Variants in NXPE4 observed in about 807,000 individuals in gnomAD.
NXPE4 encodes the protein neurexophilin and PC-esterase domain family member 4, also known as NXPE family member 4.
A neutral mutation model predicts 33.3 loss-of-function variants in NXPE4; 42 were observed. That is an observed-to-expected ratio of 1.26 (90% confidence interval 0.98 to 1.63). The LOEUF (loss-of-function observed/expected upper bound fraction) is 1.63. Among genes scored for constraint, NXPE4 ranks in the 40% most tolerant of loss-of-function variants. The pLI is 0.00. For synonymous variants in NXPE4, 253 were observed against 234.9 expected, an observed-to-expected ratio of 1.08 and a Z score of -0.71; for missense variants, 709 against 647.6, an observed-to-expected ratio of 1.09 and a Z score of -1.03.
At chr11:114,657,948 A>G in the NXPE4 span, among the ~76,000 whole-genome samples, 1 of 152,328 alleles carries the variant, frequency 6.6e-6, no homozygotes, top group African/African-American at 2.4e-5. Context: ...TAGACTATTA[A>G]TGCCAAATCA....
chr11:114,601,734 T>C, the NXPE4 span, among the ~76,000 whole-genome samples: 1 of 72,662 alleles, frequency 1.4e-5, no homozygotes, highest in Non-Finnish European at 2.3e-5. Flanking sequence ...TTATATATTA[T>C]ATATAATTAT....
intron 5 of NXPE4, among the ~76,000 whole-genome samples, chr11:114,576,743 T>G (rs1018110222): frequency 6.6e-6 from 1 of 152,000 alleles, no homozygotes; most frequent in Non-Finnish European, 1.5e-5. Flanking sequence ...TTGGTGGGAA[T>G]GTAAACTAGT....
At chr11:114,654,606 G>A in the NXPE4 span, among the ~76,000 whole-genome samples, 1 of 152,108 alleles carries the variant, frequency 6.6e-6, no homozygotes. Context: ...GTTTGCTGAG[G>A]ATGATGGCTT....
the NXPE4 span, among the ~76,000 whole-genome samples, chr11:114,635,782 T>A: frequency 1.3e-5 from 2 of 152,118 alleles, no homozygotes; most frequent in Admixed American, 1.3e-4. Context: ...GATTTGCATA[T>A]ATTGAACCAG....
At chr11:114,620,445 TG>T in the NXPE4 span, among the ~76,000 whole-genome samples, 4 of 152,084 alleles carry the variant, frequency 2.6e-5, no homozygotes, top group African/African-American at 9.7e-5. Flanking sequence ...TGTTACCCAG[TG>T]GGTATTAATT....
At chr11:114,611,593 G>A in the NXPE4 span, among the ~76,000 whole-genome samples, 56 of 150,478 alleles carry the variant, frequency 3.7e-4, no homozygotes, top group African/African-American at 1.3e-3. Flanking sequence ...GTGTTGTGTC[G>A]TGGGTCACAA....
chr11:114,637,015 C>T, the NXPE4 span, among the ~76,000 whole-genome samples: 18 of 152,196 alleles, frequency 1.2e-4, no homozygotes, highest in South Asian at 1.2e-3. Context: ...TCCTGGGTAT[C>T]GTTGTTGACT....
chr11:114,621,439 A>G, the NXPE4 span, among the ~76,000 whole-genome samples: 1 of 151,858 alleles, frequency 6.6e-6, no homozygotes, highest in Non-Finnish European at 1.5e-5. Context: ...CCTCTAAGGT[A>G]ATCACTGTTA....
At chr11:114,621,349 G>A in the NXPE4 span, among the ~76,000 whole-genome samples, 18 of 151,980 alleles carry the variant, frequency 1.2e-4, no homozygotes, top group African/African-American at 3.1e-4. Flanking sequence ...GTGTTGCCTC[G>A]TTAGTAAATA....
intron 5 of NXPE4, among the ~76,000 whole-genome samples, chr11:114,574,806 C>A (rs1285833481): frequency 6.6e-6 from 1 of 151,936 alleles, no homozygotes; most frequent in Non-Finnish European, 1.5e-5. Flanking sequence ...TTCCAAAAGA[C>A]AGAGAAAGAG....
At chr11:114,635,371 CA>C in the NXPE4 span, among the ~76,000 whole-genome samples, 14 of 150,310 alleles carry the variant, frequency 9.3e-5, no homozygotes, top group Admixed American at 9.3e-4. Flanking sequence ...TGGGCTGAGA[CA>C]ATGGGGTTTT....
At chr11:114,657,471 C>T in the NXPE4 span, among the ~76,000 whole-genome samples, 13 of 152,214 alleles carry the variant, frequency 8.5e-5, no homozygotes, top group African/African-American at 3.1e-4. Flanking sequence ...CACAGTATTT[C>T]ATATCATGCT....
At chr11:114,583,984 C>A in intron 2 of NXPE4, 2 of 373,178 alleles carry the variant, frequency 5.4e-6, no homozygotes, top group South Asian at 4.8e-5. Flanking sequence ...TCAAACTGGT[C>A]ATGTCCAAAG....
chr11:114,657,543 A>G, the NXPE4 span, among the ~76,000 whole-genome samples: 4 of 152,198 alleles, frequency 2.6e-5, no homozygotes, highest in African/African-American at 4.8e-5. Context: ...AATTATAGCA[A>G]TTAGGCCCAC....
At chr11:114,612,752 A>G in the NXPE4 span, among the ~76,000 whole-genome samples, 1 of 151,918 alleles carries the variant, frequency 6.6e-6, no homozygotes, top group African/African-American at 2.4e-5. Context: ...AGTATTTAAT[A>G]AGTGTTGCCT....
At chr11:114,669,322 T>C in the NXPE4 span, among the ~76,000 whole-genome samples, 26 of 152,184 alleles carry the variant, frequency 1.7e-4, no homozygotes, top group South Asian at 4.8e-3. Flanking sequence ...ACAAAATCCT[T>C]CCATCTTCTC....
chr11:114,605,092 G>A, the NXPE4 span, among the ~76,000 whole-genome samples: 6 of 151,678 alleles, frequency 4.0e-5, no homozygotes, highest in South Asian at 2.1e-4. Context: ...ATATTGCCTC[G>A]TGGGTAACAG....
At chr11:114,628,910 T>G in the NXPE4 span, among the ~76,000 whole-genome samples, 1 of 152,038 alleles carries the variant, frequency 6.6e-6, no homozygotes, top group South Asian at 2.1e-4. Context: ...GCAAATAAAC[T>G]AGAGAATCTA....
At chr11:114,571,738 A>G (rs966169998) in intron 5 of NXPE4, among the ~76,000 whole-genome samples, 1 of 152,198 alleles carries the variant, frequency 6.6e-6, no homozygotes, top group African/African-American at 2.4e-5. Context: ...GGAGACTCAC[A>G]TCATGAACTT....
Sources: gnomAD v4.1 joint callset for allele counts (sites outside exome capture counted in the v4.1 genomes callset) on GRCh38, gnomAD v4.1.1 for gene constraint, MANE v1.5 for transcripts, NCBI Gene and HGNC (gene_info 2026-07-23, HGNC 2026-07-21) for gene names.